Variants in GNA12 observed in about 807,000 individuals in gnomAD.
GNA12 encodes the protein G protein subunit alpha 12.
Under a neutral mutation model 26.0 loss-of-function variants are expected in GNA12, and 9 were observed. That is an observed-to-expected ratio of 0.35 (90% CI 0.21 to 0.60). The LOEUF is 0.60. GNA12 is among the 20% of genes least tolerant of loss of function. GNA12 has a pLI of 0.78. For missense variants in GNA12, 405 were observed against 525.8 expected (o/e 0.77, Z 2.25); for synonymous variants, 264 against 219.6 (o/e 1.20, Z -1.79).
At chr7:2,759,682 G>C (rs1387124953) in intron 2 of GNA12, among the ~76,000 whole-genome samples, 2 of 152,122 alleles carry the variant, frequency 1.3e-5, no homozygotes, top group African/African-American at 4.8e-5. Flanking sequence ...TATTTTTTCA[G>C]ACCCTCTTCT....
chr7:2,747,571 A>G (rs1431610353), intron 2 of GNA12, among the ~76,000 whole-genome samples: 2 of 152,204 alleles, frequency 1.3e-5, no homozygotes, highest in East Asian at 3.8e-4. Flanking sequence ...ATCATACTGA[A>G]TGGGCAAAAA....
At chr7:2,738,353 C>T (rs1409862365) in intron 2 of GNA12, among the ~76,000 whole-genome samples, 22 of 152,078 alleles carry the variant, frequency 1.4e-4, no homozygotes, top group Admixed American at 1.4e-3. Context: ...CAAGCTGTCA[C>T]TGCAGGAAAC....
chr7:2,763,191 A>AACACACGCACACACACACACACACACAC (rs1791653920), intron 2 of GNA12: 1 of 216,890 alleles, frequency 4.6e-6, no homozygotes, highest in African/African-American at 2.7e-5. Flanking sequence ...AAGACACCCC[A>AACACACGCACACACACACACACACACAC]ACACACACAC....
At chr7:2,806,299 T>C (rs191878720) in intron 1 of GNA12, among the ~76,000 whole-genome samples, 2 of 151,550 alleles carry the variant, frequency 1.3e-5, no homozygotes, top group East Asian at 1.9e-4. Context: ...GCCAACATGG[T>C]GAAACCCTAT....
chr7:2,732,955 AC>A (rs557905232), intron 3 of GNA12, among the ~76,000 whole-genome samples: 1 of 152,198 alleles, frequency 6.6e-6, no homozygotes, highest in Non-Finnish European at 1.5e-5. Context: ...AAATCTCTAA[AC>A]TGACTAGGTT....
intron 2 of GNA12, chr7:2,763,133 G>T: frequency 8.2e-7 from 1 of 1,225,088 alleles, no homozygotes; most frequent in Non-Finnish European, 1.0e-6. Context: ...TCTCTTCTCA[G>T]AAGCATTTCT....
At chr7:2,827,301 T>C (rs1285053737) in intron 1 of GNA12, among the ~76,000 whole-genome samples, 1 of 152,122 alleles carries the variant, frequency 6.6e-6, no homozygotes, top group Non-Finnish European at 1.5e-5. Context: ...CGTTTTGGAA[T>C]TTGATAGAGG....
Position 2,843,998 on chromosome 7 carries a change from C to A in GNA12, c.164G>T (p.Arg55Leu), listed in dbSNP as rs1417455995. ...CAGCAGCAGGATCTTCACCAGGCGCCGGACCGCGCGCCGCTCGCGGGCCAG... is the reference window on the plus strand; with the variant it reads ...CAGCAGCAGGATCTTCACCAGGCGCAGGACCGCGCGCCGCTCGCGGGCCAG... ...ALLARERRAV[R>L]RLVKILLLGA... The change falls in exon 1 of 4, where the codon CGG (arginine) becomes CTG (leucine). Residue 55 changes from arginine (R) to leucine (L), a missense_variant. Transcript: ENST00000275364. 1 of 1,548,078 alleles carries A rather than the reference C, an allele frequency of 6.5e-7. No homozygotes were observed. Among genetic ancestry groups the A allele is most frequent in the Non-Finnish European group, 8.7e-7 (1 of 1,148,472 alleles).
intron 2 of GNA12, among the ~76,000 whole-genome samples, chr7:2,783,311 GT>G (rs2115438751): frequency 6.6e-6 from 1 of 152,328 alleles, no homozygotes; most frequent in South Asian, 2.1e-4. Flanking sequence ...TCGCACAGGG[GT>G]TGCCTGGACT....
At position 2,729,230 on chromosome 7, in the gene GNA12, T is replaced by C. The variant is rs798532; in HGVS notation, c.*1951A>G. 0.73 allele frequency: 110,598 copies of C among 152,310 alleles called. 40,640 individuals carry two copies. The highest frequency in any genetic ancestry group is 0.79 in the African/African-American group (32,612 of 41,520). 9.4% of individuals were successfully genotyped at this position (152,310 alleles called of 1,614,324 possible). A position where few individuals can be genotyped will look rare whatever the true frequency, so the allele number is the denominator to read the frequency against. ...CACACACAGGAGACACAGCGAAAGC[T>C]GACCCAGAAGGCAAACAAAGCTCAC... On this transcript the variant is annotated 3_prime_UTR_variant, in exon 4 of 4. Coordinates refer to ENST00000275364, the MANE Select transcript of GNA12 (RefSeq NM_007353.3).
At chr7:2,833,568 T>TC (rs1335193010) in intron 1 of GNA12, among the ~76,000 whole-genome samples, 19 of 152,264 alleles carry the variant, frequency 1.2e-4, no homozygotes, top group Non-Finnish European at 2.6e-4. Context: ...GTGTTCTGAA[T>TC]CCCCAAAAAT....
At chr7:2,833,938 A>T (rs1778755392) in intron 1 of GNA12, among the ~76,000 whole-genome samples, 1 of 152,216 alleles carries the variant, frequency 6.6e-6, no homozygotes, top group Non-Finnish European at 1.5e-5. Context: ...CAAAAAAAAA[A>T]TTTAATTTCC....
At chr7:2,782,163 C>T (rs1378311557) in intron 2 of GNA12, among the ~76,000 whole-genome samples, 1 of 152,066 alleles carries the variant, frequency 6.6e-6, no homozygotes, top group Non-Finnish European at 1.5e-5. Flanking sequence ...TCAAAATTTA[C>T]CAAAAACCTA....
At position 2,821,104 on chromosome 7, in the gene GNA12, T is replaced by C. The variant is rs1194783679; in HGVS notation, c.309+22749A>G. 5.3e-5 allele frequency among the ~76,000 whole-genome samples: 8 copies of C among 152,198 alleles called. 1 individual carries two copies. The highest frequency in any genetic ancestry group is 1.0e-4 in the Non-Finnish European group (7 of 68,040). On this transcript the variant is annotated intron_variant, in intron 1 of 3. Transcript: ENST00000275364. The stretch of plus-strand genomic sequence containing the variant: ...GAATCACTCCCATTTCACAAAAATG[T>C]TGTCTAGGTGAAAGATGCCAATCAA...
chr7:2,808,236 C>T (rs1792995580), intron 1 of GNA12, among the ~76,000 whole-genome samples: 1 of 152,248 alleles, frequency 6.6e-6, no homozygotes, highest in Admixed American at 6.5e-5. Context: ...AAGCAGTGAC[C>T]ATCATGAGTA....
intron 1 of GNA12, among the ~76,000 whole-genome samples, chr7:2,810,506 G>A (rs898402265): frequency 3.9e-5 from 6 of 152,086 alleles, no homozygotes; most frequent in African/African-American, 1.4e-4. Flanking sequence ...CAAAAACCAT[G>A]CTACAGCCTT....
chr7:2,836,213 G>A (rs1778833695), intron 1 of GNA12, among the ~76,000 whole-genome samples: 2 of 152,206 alleles, frequency 1.3e-5, no homozygotes, highest in South Asian at 4.1e-4. Context: ...GAAATCCTAT[G>A]TGCAAATTCA....
intron 1 of GNA12, among the ~76,000 whole-genome samples, chr7:2,827,971 A>T (rs928803232): frequency 6.6e-6 from 1 of 152,200 alleles, no homozygotes; most frequent in African/African-American, 2.4e-5. Flanking sequence ...TTACTTTACC[A>T]GAAGAGTTCT....
Position 2,844,216 on chromosome 7 carries a change from C to G in GNA12, c.-55G>C, listed in dbSNP as rs1221005101. The G allele has an allele frequency of 1.3e-5, 12 of 895,386 alleles. No homozygotes were observed. The highest frequency in any genetic ancestry group is 1.8e-5 in the African/African-American group (1 of 55,044). The allele number at this position is 895,386 out of a possible 1,614,324, so 55.5% of individuals were successfully genotyped here. ...GGCGCCCGGGGGCCATGGACGCTCC[C>G]GCCGGCGAGGGCGAGCCCGGGCCGA... is the stretch of plus-strand genomic sequence containing the variant. On this transcript the variant is annotated 5_prime_UTR_variant, in exon 1 of 4. Coordinates refer to ENST00000275364, the MANE Select transcript of GNA12 (RefSeq NM_007353.3).
Sources: gnomAD v4.1 joint callset for allele counts (sites outside exome capture counted in the v4.1 genomes callset) on GRCh38, gnomAD v4.1.1 for gene constraint, MANE v1.5 for transcripts, NCBI Gene and HGNC (gene_info 2026-07-23, HGNC 2026-07-21) for gene names.